The following RIMS4 variants were observed in gnomAD, a reference collection of about 807,000 sequenced individuals.
The protein encoded by RIMS4 is regulating synaptic membrane exocytosis 4, also known as regulating synaptic membrane exocytosis protein 4.
A neutral mutation model predicts 29.0 loss-of-function variants in RIMS4; 9 were observed. The ratio of observed to expected loss-of-function variants is 0.31; its 90% CI spans 0.19 to 0.54. The LOEUF is 0.54. Among genes scored for constraint, RIMS4 ranks in the 20% least tolerant of loss-of-function variants. RIMS4 has a pLI of 0.94. For synonymous variants in RIMS4, 130 were observed against 152.9 expected (o/e 0.85, Z 1.10); for missense variants, 193 against 365.7 (o/e 0.53, Z 3.85).
chr20:44,779,745 A>G (rs1282963671), intron 1 of RIMS4, among the ~76,000 whole-genome samples: 13 of 152,206 alleles, frequency 8.5e-5, no homozygotes, highest in Non-Finnish European at 1.9e-4. Context: ...ATTTCTGTGC[A>G]GTTCTTCAGG....
At chr20:44,771,818 C>A (rs1003270920) in intron 1 of RIMS4, among the ~76,000 whole-genome samples, 8 of 152,126 alleles carry the variant, frequency 5.3e-5, no homozygotes, top group African/African-American at 1.7e-4. Context: ...TGGCATATTG[C>A]TTTGCAGTAG....
chr20:44,796,348 C>T (rs915327620), intron 1 of RIMS4, among the ~76,000 whole-genome samples: 1 of 152,298 alleles, frequency 6.6e-6, no homozygotes, highest in African/African-American at 2.4e-5. Flanking sequence ...AAAGACTGGA[C>T]TTGCCTTAGG....
At chr20:44,782,409 C>A (rs1216013206) in intron 1 of RIMS4, among the ~76,000 whole-genome samples, 1 of 150,220 alleles carries the variant, frequency 6.7e-6, no homozygotes, top group Admixed American at 6.6e-5. Flanking sequence ...GGGTTACATG[C>A]ATGCACCACC....
intron 1 of RIMS4, among the ~76,000 whole-genome samples, chr20:44,801,553 A>G (rs1489607132): frequency 2.6e-5 from 4 of 152,044 alleles, no homozygotes; most frequent in Non-Finnish European, 5.9e-5. Context: ...CCTTTTCCCA[A>G]TGCAGAAAAG....
rs2145442515 is a variant in RIMS4 at position 44,757,655 on chromosome 20, A to G, written c.451+15T>C. ...ACCTCCACCCCCACCTTGCAGGGGA[A>G]GGTAGGCCCCAGACCTGGCAGTGTC... is the stretch of plus-strand genomic sequence containing the variant. On this transcript the variant is annotated intron_variant, in intron 4 of 5. Coordinates refer to ENST00000372851, the MANE Select transcript of RIMS4 (RefSeq NM_182970.4). The G allele has an allele frequency of 1.2e-6, 2 of 1,602,466 alleles. No homozygotes were observed. Among genetic ancestry groups the G allele is most frequent in the East Asian group, 2.2e-5 (1 of 44,816 alleles).
intron 2 of RIMS4, among the ~76,000 whole-genome samples, chr20:44,765,180 G>C (rs2066108430): frequency 6.6e-6 from 1 of 151,762 alleles, no homozygotes; most frequent in Non-Finnish European, 1.5e-5. Flanking sequence ...CTTGAACCTG[G>C]AGAGTCTGGC....
intron 1 of RIMS4, among the ~76,000 whole-genome samples, chr20:44,802,895 G>A (rs960176577): frequency 2.0e-5 from 3 of 152,064 alleles, no homozygotes; most frequent in South Asian, 2.1e-4. Flanking sequence ...ACTCAAACTC[G>A]CACTGACCTC....
intron 1 of RIMS4, among the ~76,000 whole-genome samples, chr20:44,805,034 G>A (rs1044877863): frequency 2.0e-5 from 3 of 152,058 alleles, no homozygotes; most frequent in African/African-American, 4.8e-5. Context: ...GCATGGTGGC[G>A]CATGCCTGTA....
In RIMS4 at chr20:44,755,233, T is replaced by G. The variant is rs1601014882; in HGVS notation, c.*901A>C. 1.3e-5 allele frequency: 2 copies of G among 152,308 alleles called. No individual in the cohort carries two copies. The highest frequency in any genetic ancestry group is 4.1e-4 in the South Asian group (2 of 4,824). The allele number at this position is 152,308 out of a possible 1,614,324, so 9.4% of individuals were successfully genotyped here. Reference sequence around the variant, plus strand: ...ATGCAACAAGGAGGGGTTCTCCAATTTGAGAAACCCTTATCTTGGCACCAC... The same window carrying G: ...ATGCAACAAGGAGGGGTTCTCCAATGTGAGAAACCCTTATCTTGGCACCAC... On this transcript the variant is annotated 3_prime_UTR_variant, in exon 6 of 6. Transcript: ENST00000372851.
At chr20:44,763,326 A>G (rs979157350) in intron 2 of RIMS4, among the ~76,000 whole-genome samples, 2 of 152,246 alleles carry the variant, frequency 1.3e-5, no homozygotes, top group African/African-American at 4.8e-5. Context: ...GGGGAGAGTC[A>G]GAGAGCTAGT....
chr20:44,762,012 A>T (rs1439239885), intron 2 of RIMS4, among the ~76,000 whole-genome samples: 1 of 152,212 alleles, frequency 6.6e-6, no homozygotes, highest in Non-Finnish European at 1.5e-5. Context: ...TTTGTGGAAG[A>T]CAATTTTTCC....
At chr20:44,786,913 C>G (rs1367825908) in intron 1 of RIMS4, among the ~76,000 whole-genome samples, 1 of 152,176 alleles carries the variant, frequency 6.6e-6, no homozygotes, top group Non-Finnish European at 1.5e-5. Flanking sequence ...ACATGTCCAA[C>G]ACGGTTCTAG....
intron 2 of RIMS4, among the ~76,000 whole-genome samples, chr20:44,765,375 C>T (rs2066109280): frequency 6.6e-6 from 1 of 152,140 alleles, no homozygotes; most frequent in Non-Finnish European, 1.5e-5. Flanking sequence ...TTCTCAGAGC[C>T]TTGGTTTACT....
intron 1 of RIMS4, among the ~76,000 whole-genome samples, chr20:44,797,559 C>G (rs565455753): frequency 6.6e-6 from 1 of 152,228 alleles, no homozygotes; most frequent in African/African-American, 2.4e-5. Context: ...CCATATGAAG[C>G]ATACAAAATT....
At chr20:44,767,676 G>A (rs2066119743) in intron 2 of RIMS4, among the ~76,000 whole-genome samples, 1 of 152,180 alleles carries the variant, frequency 6.6e-6, no homozygotes, top group Admixed American at 6.5e-5. Flanking sequence ...TGTGTGACGT[G>A]GGGCAACTTA....
In RIMS4 at chr20:44,809,835, G is replaced by T. The variant is rs369249565; in HGVS notation, c.97+340C>A. ...ACGGCCAAAGCCCAGGGCTTGAAGA[G>T]TGGGCACATTCAGGAGACTCAGGGA... On this transcript the variant is annotated intron_variant, in intron 1 of 5. Coordinates refer to ENST00000372851, the MANE Select transcript of RIMS4 (RefSeq NM_182970.4). 1.4e-4 allele frequency among the ~76,000 whole-genome samples: 22 copies of T among 152,180 alleles called. No homozygotes were observed. In the South Asian group the frequency reaches 2.7e-3, roughly 19 times the overall value.
At position 44,810,492 on chromosome 20, in the gene RIMS4, T is replaced by TGGCGTC. The variant is rs2066320417; in HGVS notation, c.-222_-221insGACGCC. ...CGGAGCCCGAGGCGCGCTGTGCTGC[T>TGGCGTC]GGCGGCGGCGGCGGCGGCGGCGGTG... On this transcript the variant is annotated 5_prime_UTR_variant, in exon 1 of 6. Coordinates refer to ENST00000372851, the MANE Select transcript of RIMS4 (RefSeq NM_182970.4). Among the ~76,000 whole-genome samples the TGGCGTC allele has an allele frequency of 7.2e-6, 1 of 138,778 alleles. No homozygotes were observed. Among genetic ancestry groups the TGGCGTC allele is most frequent in the South Asian group, 2.2e-4 (1 of 4,486 alleles). The allele number at this position is 138,778 out of a possible 152,430, so 91.0% of individuals were successfully genotyped here. A position where few individuals can be genotyped will look rare whatever the true frequency, so the allele number is the denominator to read the frequency against.
chr20:44,769,379 C>T (rs1450800501), intron 2 of RIMS4, among the ~76,000 whole-genome samples: 1 of 152,188 alleles, frequency 6.6e-6, no homozygotes, highest in Non-Finnish European at 1.5e-5. Context: ...ACAATCTAGT[C>T]CTCCAGACCT....
intron 2 of RIMS4, among the ~76,000 whole-genome samples, chr20:44,763,530 G>A (rs775074841): frequency 6.6e-6 from 1 of 152,250 alleles, no homozygotes; most frequent in Non-Finnish European, 1.5e-5. Context: ...GCCATTCTGG[G>A]GAGTACTGCA....
Sources: gnomAD v4.1 joint callset for allele counts (sites outside exome capture counted in the v4.1 genomes callset) on GRCh38, gnomAD v4.1.1 for gene constraint, MANE v1.5 for transcripts, NCBI Gene and HGNC (gene_info 2026-07-23, HGNC 2026-07-21) for gene names.